PEBP4: variants seen among roughly 807,000 people sequenced by gnomAD.
PEBP4 encodes phosphatidylethanolamine-binding protein 4.
In PEBP4, 22 loss-of-function variants were observed where a neutral mutation model predicts 23.9. That is an observed-to-expected ratio of 0.92 (90% CI 0.66 to 1.31). The LOEUF (loss-of-function observed/expected upper bound fraction) is 1.31. Ranked by LOEUF, PEBP4 falls within the 40% of genes most tolerant of loss-of-function variation. The pLI is 0.00. For missense variants in PEBP4, 324 were observed against 281.7 expected, an observed-to-expected ratio of 1.15 and a Z score of -1.07; for synonymous variants, 112 against 99.3, an observed-to-expected ratio of 1.13 and a Z score of -0.76.
intron 4 of PEBP4, among the ~76,000 whole-genome samples, chr8:22,800,869 T>C (rs1344051254): frequency 6.6e-6 from 1 of 152,108 alleles, no homozygotes; most frequent in African/African-American, 2.4e-5. Context: ...TTTCATAACC[T>C]AGGAACAGTC....
In PEBP4 at chr8:22,725,944, G is replaced by A. The variant is rs147233226; in HGVS notation, c.404-988C>T. On this transcript the variant is annotated intron_variant, in intron 5 of 6. Transcript: ENST00000256404. ...GGTGGCTTCCAGCATGCCAACAACC[G>A]GGGAATTCCTGACGATTCATCTTTC... Among the ~76,000 whole-genome samples, 649 of 152,070 alleles carry A rather than the reference G, an allele frequency of 4.3e-3. 14 individuals carry two copies. The highest frequency in any genetic ancestry group is 2.5e-3 in the Non-Finnish European group (171 of 67,992).
At chr8:22,786,803 A>G (rs1010339907) in intron 4 of PEBP4, among the ~76,000 whole-genome samples, 3 of 150,380 alleles carry the variant, frequency 2.0e-5, no homozygotes, top group Admixed American at 6.6e-5. Context: ...TATGCAGGAA[A>G]CAGGGCTGCA....
At chr8:22,893,487 A>G (rs1267274312) in intron 3 of PEBP4, among the ~76,000 whole-genome samples, 1 of 152,256 alleles carries the variant, frequency 6.6e-6, no homozygotes, top group Non-Finnish European at 1.5e-5. Context: ...AGACTGGGAA[A>G]TGATACAGAC....
chr8:22,751,251 A>G (rs1279659740), intron 4 of PEBP4, among the ~76,000 whole-genome samples: 1 of 152,168 alleles, frequency 6.6e-6, no homozygotes, highest in Non-Finnish European at 1.5e-5. Flanking sequence ...GCAGAGGAAG[A>G]GGCCCTCAAG....
intron 6 of PEBP4, among the ~76,000 whole-genome samples, chr8:22,713,816 C>A (rs951370819): frequency 2.3e-4 from 35 of 152,020 alleles, no homozygotes; most frequent in African/African-American, 8.2e-4. Flanking sequence ...CCTTCCCCAG[C>A]ACCTCTGTTT....
At chr8:22,782,032 C>G (rs187662056) in intron 4 of PEBP4, among the ~76,000 whole-genome samples, 190 of 152,340 alleles carry the variant, frequency 1.2e-3, no homozygotes, top group African/African-American at 4.4e-3. Context: ...GGGATTCCGT[C>G]TTGTTCTTTC....
At chr8:22,795,163 A>ATATTTT (rs1563218555) in intron 4 of PEBP4, among the ~76,000 whole-genome samples, 8 of 47,342 alleles carry the variant, frequency 1.7e-4, no homozygotes, top group East Asian at 2.1e-3. Flanking sequence ...ATATATATAT[A>ATATTTT]TTTTTTTTTT....
chr8:22,874,423 C>A (rs539230744), intron 3 of PEBP4, among the ~76,000 whole-genome samples: 1 of 152,276 alleles, frequency 6.6e-6, no homozygotes, highest in Non-Finnish European at 1.5e-5. Flanking sequence ...TTTCTCAGTT[C>A]AGTTAACTGC....
intron 3 of PEBP4, among the ~76,000 whole-genome samples, chr8:22,882,262 A>T (rs1333763977): frequency 3.3e-5 from 5 of 152,242 alleles, no homozygotes; most frequent in African/African-American, 9.6e-5. Flanking sequence ...TTATTGGCAG[A>T]ACTGGAGACA....
At chr8:22,821,504 T>C (rs1806855624) in intron 3 of PEBP4, among the ~76,000 whole-genome samples, 1 of 152,048 alleles carries the variant, frequency 6.6e-6, no homozygotes, top group African/African-American at 2.4e-5. Context: ...AGGGGGACAG[T>C]GAGGCAGTGA....
intron 2 of PEBP4, chr8:22,924,550 G>A (rs766090855): frequency 7.0e-6 from 4 of 567,550 alleles, no homozygotes; most frequent in East Asian, 1.4e-4. Context: ...TCGTGGATCC[G>A]CACTACAACA....
At chr8:22,931,642 G>C (rs973549063), upstream of PEBP4, among the ~76,000 whole-genome samples, 2 of 152,050 alleles carry the variant, frequency 1.3e-5, no homozygotes, top group Non-Finnish European at 2.9e-5. Context: ...GGAATGCAGT[G>C]GCATGATCTC....
intron 4 of PEBP4, among the ~76,000 whole-genome samples, chr8:22,750,473 G>GA (rs550676119): frequency 3.2e-4 from 49 of 152,306 alleles, no homozygotes; most frequent in Admixed American, 1.1e-3. Context: ...GCTGGAATTG[G>GA]AAAAAATTTA....
intron 4 of PEBP4, among the ~76,000 whole-genome samples, chr8:22,807,283 C>A (rs1046314811): frequency 6.6e-6 from 1 of 152,132 alleles, no homozygotes; most frequent in Non-Finnish European, 1.5e-5. Context: ...AGATCTGAGA[C>A]AATAGAAGCA....
intron 2 of PEBP4, chr8:22,924,926 G>C: frequency 3.0e-6 from 3 of 985,306 alleles, no homozygotes; most frequent in Non-Finnish European, 3.6e-6. Context: ...CTCCCTTATA[G>C]ATTAATACCT....
intron 3 of PEBP4, among the ~76,000 whole-genome samples, chr8:22,874,660 A>G (rs1167787092): frequency 6.6e-6 from 1 of 152,226 alleles, no homozygotes; most frequent in African/African-American, 2.4e-5. Flanking sequence ...AACCAGTTGC[A>G]TATAGTTCAA....
intron 3 of PEBP4, among the ~76,000 whole-genome samples, chr8:22,866,758 CTTT>C (rs369916075): frequency 6.8e-6 from 1 of 147,838 alleles, no homozygotes; most frequent in Admixed American, 6.8e-5. Flanking sequence ...TTGTTTTCTT[CTTT>C]TTTTTTTATA....
chr8:22,912,203 G>A (rs563646883), intron 3 of PEBP4, among the ~76,000 whole-genome samples: 1 of 152,292 alleles, frequency 6.6e-6, no homozygotes, highest in South Asian at 2.1e-4. Context: ...CGGAGCACGT[G>A]GCCGTTCTGT....
At chr8:22,726,888 G>A (rs898758182) in intron 5 of PEBP4, among the ~76,000 whole-genome samples, 1 of 152,108 alleles carries the variant, frequency 6.6e-6, no homozygotes, top group African/African-American at 2.4e-5. Context: ...GTGGACAGGG[G>A]TTACAAGCAG....
Sources: allele counts gnomAD v4.1 joint callset (sites outside exome capture counted in the v4.1 genomes callset), GRCh38; gene constraint gnomAD v4.1.1; transcripts MANE v1.5; gene names NCBI Gene and HGNC (gene_info 2026-07-23, HGNC 2026-07-21).